The following TAGLN2 variants were observed in gnomAD, a reference collection of about 807,000 sequenced individuals.
TAGLN2 encodes the protein transgelin-2.
A neutral mutation model predicts 24.9 loss-of-function variants in TAGLN2; 14 were observed. That is an observed-to-expected ratio of 0.56 (90% confidence interval 0.37 to 0.88). TAGLN2 has a LOEUF of 0.88. Among genes scored for constraint, TAGLN2 ranks in the 40% least tolerant of loss-of-function variants. The pLI is 0.00. For missense variants in TAGLN2, 208 were observed against 258.9 expected (o/e 0.80, Z 1.35); for synonymous variants, 77 against 98.2 (o/e 0.78, Z 1.28).
Position 159,918,740 on chromosome 1 carries a change from T to C in TAGLN2, c.*60A>G. 1.3e-6 allele frequency: 2 copies of C among 1,570,760 alleles called. No homozygotes were observed. The highest frequency in any genetic ancestry group is 1.7e-6 in the Non-Finnish European group (2 of 1,156,212). ...CTCTCTGGGAATGTCACTGCTAAAA[T>C]ATATATCTACATATATATTAACCAT... On this transcript the variant is annotated 3_prime_UTR_variant, in exon 5 of 5. Transcript: ENST00000368097.
Position 159,918,518 on chromosome 1 carries a change from G to A in TAGLN2, c.*282C>T. 3 of 403,646 alleles carry A rather than the reference G, an allele frequency of 7.4e-6. No individual in the cohort carries two copies. Among genetic ancestry groups the A allele is most frequent in the Admixed American group, 4.1e-5 (1 of 24,630 alleles). The allele number at this position is 403,646 out of a possible 1,614,324, so 25.0% of individuals were successfully genotyped here. A position where few individuals can be genotyped will look rare whatever the true frequency, so the allele number is the denominator to read the frequency against. On this transcript the variant is annotated 3_prime_UTR_variant, in exon 5 of 5. Transcript: ENST00000368097. The stretch of plus-strand genomic sequence containing the variant: ...AAGAAGGAGAGACAGAATAGGCCAG[G>A]GCATGGCGGTGAGGGACTGAGGCCC...
chr1:159,920,180 C>G (rs1557925072), intron 2 of TAGLN2, 150 bp downstream of exon 2: 2 of 1,303,846 alleles, frequency 1.5e-6, no homozygotes, highest in Non-Finnish European at 2.2e-6. Flanking sequence ...CATGGGCCCT[C>G]TCACATCCTT....
intron 1 of TAGLN2, among the ~76,000 whole-genome samples, chr1:159,922,415 G>A (rs1440068925): frequency 1.3e-5 from 2 of 152,288 alleles, no homozygotes; most frequent in East Asian, 1.9e-4. Flanking sequence ...CCGACCCACA[G>A]CGCCAGGCAC....
chr1:159,921,071 T>C (rs942183840), intron 1 of TAGLN2, among the ~76,000 whole-genome samples: 1 of 152,164 alleles, frequency 6.6e-6, no homozygotes, highest in Admixed American at 6.5e-5. Flanking sequence ...CTTGAATAGG[T>C]CCTTGAGGGA....
intron 1 of TAGLN2, among the ~76,000 whole-genome samples, chr1:159,922,995 A>G (rs1650585221): frequency 6.6e-6 from 1 of 152,182 alleles, no homozygotes; most frequent in African/African-American, 2.4e-5. Context: ...CCAGAGCCAT[A>G]GGGCGGGGTC....
Position 159,920,625 on chromosome 1 carries a change from A to G in TAGLN2, c.-28-88T>C, listed in dbSNP as rs529363169. On this transcript the variant is annotated intron_variant, in intron 1 of 4. Transcript: ENST00000368097. ...AGGAATTCTGCCTGCAGGGATATAC[A>G]CCATTTCCCCCACGGTGAGCCCCAA... The G allele has an allele frequency of 2.3e-5, 35 of 1,504,322 alleles. No individual in the cohort carries two copies. In the African/African-American group the frequency reaches 4.7e-4, roughly 20 times the overall value. The allele number at this position is 1,504,322 out of a possible 1,614,324, so 93.2% of individuals were successfully genotyped here.
chr1:159,924,195 C>T (rs1233728033), intron 1 of TAGLN2, among the ~76,000 whole-genome samples: 2 of 152,066 alleles, frequency 1.3e-5, no homozygotes, highest in Non-Finnish European at 2.9e-5. Flanking sequence ...GGGGCAGAGG[C>T]CTTGGGGTGA....
At position 159,923,881 on chromosome 1, in the gene TAGLN2, CGTT is replaced by C. The variant is rs1417856883; in HGVS notation, c.-29+1566_-29+1568del. Among the ~76,000 whole-genome samples, 3 of 152,256 alleles carry C rather than the reference CGTT, an allele frequency of 2.0e-5. No homozygotes were observed. The East Asian group carries it at 5.8e-4, about 29-fold the overall frequency. ...GGCAGAAACACCCTGTCAACACAGA[CGTT>C]GTGGTGAGCAGGCTGTGAGCACGGG... is the stretch of plus-strand genomic sequence containing the variant. On this transcript the variant is annotated intron_variant, in intron 1 of 4. Coordinates refer to ENST00000368097, the MANE Select transcript of TAGLN2 (RefSeq NM_003564.3).
At chr1:159,925,202 G>A (rs1456493412) in intron 1 of TAGLN2, 1 of 151,894 alleles carries the variant, frequency 6.6e-6, no homozygotes, top group South Asian at 2.1e-4. Flanking sequence ...CAGTCCCTGA[G>A]TCCCTGCTCC....
chr1:159,925,082 AG>A (rs1422055251), intron 1 of TAGLN2: 2 of 152,268 alleles, frequency 1.3e-5, no homozygotes, highest in Non-Finnish European at 2.9e-5. Flanking sequence ...GAGCTGGCCC[AG>A]GGCCGGCGCC....
intron 2 of TAGLN2, chr1:159,920,097 G>A (rs927380796): frequency 2.6e-6 from 2 of 782,176 alleles, no homozygotes; most frequent in African/African-American, 3.4e-5. Context: ...TTCTTCCTCA[G>A]TGTCACCTCA....
chr1:159,919,994 T>TG, intron 2 of TAGLN2, 159 bp from the exon 3 acceptor site: 3 of 864,990 alleles, frequency 3.5e-6, no homozygotes, highest in Non-Finnish European at 5.5e-6. Context: ...ACAGTCCTTC[T>TG]TGCCAGCCTC....
Position 159,920,523 on chromosome 1 carries a change from G to T in TAGLN2, c.-14C>A, listed in dbSNP as rs780297039. 6.2e-7 allele frequency: 1 copy of T among 1,613,678 alleles called. No homozygotes were observed. Among genetic ancestry groups the T allele is most frequent in the Admixed American group, 1.7e-5 (1 of 60,022 alleles). On this transcript the variant is annotated 5_prime_UTR_variant, in exon 2 of 5. Transcript: ENST00000368097. ...CCTGTTGGCCATTCCAATGGGTGGC[G>T]GTGGCTGCGGGGAGCTAGGGAGAGG...
Position 159,920,310 on chromosome 1 carries a change from C to T in TAGLN2, c.180+20G>A, listed in dbSNP as rs1650487330. 3.7e-6 allele frequency: 6 copies of T among 1,614,182 alleles called. No homozygotes were observed. The highest frequency in any genetic ancestry group is 5.1e-6 in the Non-Finnish European group (6 of 1,180,042). ...TCCTGCTCTCCCTGCACTTCCAAGCCAGTGGGGCCCGGCTCTCACCGTGCC... is the reference window on the plus strand; with the variant it reads ...TCCTGCTCTCCCTGCACTTCCAAGCTAGTGGGGCCCGGCTCTCACCGTGCC... On this transcript the variant is annotated intron_variant, in intron 2 of 4. Transcript: ENST00000368097.
chr1:159,921,297 TA>T (rs1366718722), intron 1 of TAGLN2, among the ~76,000 whole-genome samples: 1 of 152,208 alleles, frequency 6.6e-6, no homozygotes, highest in Non-Finnish European at 1.5e-5. Flanking sequence ...CTGCATCATC[TA>T]AATGAGCCCA....
At position 159,919,378 on chromosome 1, in the gene TAGLN2, T is replaced by C. The variant is rs746513471; in HGVS notation, c.356-2A>G. Reference sequence around the variant, plus strand: ...GCTGCACACAGGCCATGTTCTTTCCTGGGAAGGAGAATGGGAATGTGTCAG... The same window carrying C: ...GCTGCACACAGGCCATGTTCTTTCCCGGGAAGGAGAATGGGAATGTGTCAG... On this transcript the variant is annotated splice_acceptor_variant, in intron 3 of 4. Transcript: ENST00000368097. LOFTEE classifies it high-confidence loss of function. 1.9e-6 allele frequency: 3 copies of C among 1,614,094 alleles called. No individual in the cohort carries two copies. Among genetic ancestry groups the C allele is most frequent in the Non-Finnish European group, 2.5e-6 (3 of 1,179,914 alleles).
At position 159,918,896 on chromosome 1, in the gene TAGLN2, T is replaced by C; in HGVS notation, c.504A>G (p.Gln168=). 6.2e-7 allele frequency: 1 copy of C among 1,614,258 alleles called. No homozygotes were observed. Among genetic ancestry groups the C allele is most frequent in the Non-Finnish European group, 8.5e-7 (1 of 1,180,042 alleles). The change falls in exon 5 of 5, where the codon CAA becomes CAG. Residue 168 remains glutamine, a synonymous_variant. Transcript: ENST00000368097. The part of the protein sequence containing the change: ...NPRNFSDNQL[Q]EGKNVIGLQM... ...GTAACCCGATCACGTTCTTGCCCTCTTGCAGCTGGTTATCCGAGAAGTTCC... is the reference window on the plus strand; with the variant it reads ...GTAACCCGATCACGTTCTTGCCCTCCTGCAGCTGGTTATCCGAGAAGTTCC...
At chr1:159,924,227 A>G (rs765292464) in intron 1 of TAGLN2, among the ~76,000 whole-genome samples, 28 of 152,134 alleles carry the variant, frequency 1.8e-4, no homozygotes, top group Non-Finnish European at 3.2e-4. Context: ...GCGGTTGGAC[A>G]AAACCTATTT....
chr1:159,920,667 T>G, intron 1 of TAGLN2, 130 bp from the exon 2 acceptor site: 1 of 1,446,446 alleles, frequency 6.9e-7, no homozygotes, highest in Non-Finnish European at 9.1e-7. Flanking sequence ...GGACCAGAAC[T>G]GTTACCAAAT....
Sources: allele counts gnomAD v4.1 joint callset (sites outside exome capture counted in the v4.1 genomes callset), GRCh38; gene constraint gnomAD v4.1.1; transcripts MANE v1.5; gene names NCBI Gene and HGNC (gene_info 2026-07-23, HGNC 2026-07-21).